Variants in C1orf167 observed in about 807,000 individuals in gnomAD.
The protein encoded by C1orf167 is uncharacterized protein C1orf167.
A neutral mutation model predicts 176.5 loss-of-function variants in C1orf167; 153 were observed. The observed-to-expected ratio is 0.87, with a 90% CI of 0.76 to 0.99. C1orf167 has a LOEUF of 0.99. Among genes scored for constraint, C1orf167 ranks in the 50% least tolerant of loss-of-function variants. C1orf167 has a pLI of 0.00. For synonymous variants in C1orf167, 594 were observed against 752.7 expected (o/e 0.79, Z 3.45); for missense variants, 1,490 against 1,817.7 (o/e 0.82, Z 3.28).
intron 15 of C1orf167, 74 bp downstream of exon 15, chr1:11,784,667 T>A (rs988935569): frequency 1.5e-5 from 18 of 1,185,024 alleles, no homozygotes; most frequent in Non-Finnish European, 1.9e-5. Context: ...TTGGCAGGGG[T>A]AGAGCGTAAT....
At chr1:11,772,915 T>TATTATTATTATTATTATTATTA (rs1570396926) in intron 8 of C1orf167, among the ~76,000 whole-genome samples, 2 of 151,302 alleles carry the variant, frequency 1.3e-5, no homozygotes, top group African/African-American at 4.8e-5. Flanking sequence ...TTATTATTAT[T>TATTATTATTATTATTATTATTA]TGAGACGGAG....
intron 1 of C1orf167, among the ~76,000 whole-genome samples, chr1:11,762,759 G>A (rs554644906): frequency 1.4e-4 from 21 of 152,218 alleles, no homozygotes; most frequent in Non-Finnish European, 2.6e-4. Context: ...GCATTTACAA[G>A]CCCCTGCTGG....
At chr1:11,775,054 A>G (rs9794014) in intron 8 of C1orf167, among the ~76,000 whole-genome samples, 142,949 of 152,156 alleles carry the variant, frequency 0.94, 67,807 homozygotes, top group East Asian at 1. Flanking sequence ...GGAGGCCAAG[A>G]CGGCCGGATC....
intron 13 of C1orf167, among the ~76,000 whole-genome samples, chr1:11,780,999 C>CTTTT (rs386366239): frequency 0.037 from 3,390 of 92,732 alleles, 291 homozygotes; most frequent in African/African-American, 0.039. Context: ...CCCAACCAGT[C>CTTTT]TTTTTTTTTT....
At chr1:11,774,167 A>G (rs1255156749) in intron 8 of C1orf167, among the ~76,000 whole-genome samples, 1 of 152,050 alleles carries the variant, frequency 6.6e-6, no homozygotes, top group Non-Finnish European at 1.5e-5. Flanking sequence ...GACCTCCCAA[A>G]GTGCTGAGAT....
In C1orf167 at chr1:11,768,075, A is replaced by T; in HGVS notation, c.1344-2A>T. Reference sequence around the variant, plus strand: ...CCCTGATCAGCCCTGGTCTGTCCCCAGCTGGCAGCTGTTGTCCAGATGTTT... The same window carrying T: ...CCCTGATCAGCCCTGGTCTGTCCCCTGCTGGCAGCTGTTGTCCAGATGTTT... On this transcript the variant is annotated splice_acceptor_variant, in intron 4 of 20. Transcript: ENST00000688073. LOFTEE classifies it high-confidence loss of function. The surrounding 1 kb of genome is among the most constrained non-coding windows in gnomAD (Gnocchi z 4.5). The T allele has an allele frequency of 7.8e-7, 1 of 1,283,920 alleles. No individual in the cohort carries two copies. The highest frequency in any genetic ancestry group is 1.0e-6 in the Non-Finnish European group (1 of 985,654). 79.5% of individuals were successfully genotyped at this position (1,283,920 alleles called of 1,614,324 possible). A position where few individuals can be genotyped will look rare whatever the true frequency, so the allele number is the denominator to read the frequency against.
intron 17 of C1orf167, 179 bp downstream of exon 17, chr1:11,787,672 C>T (rs1643921124): frequency 2.2e-6 from 2 of 914,240 alleles, no homozygotes; most frequent in Non-Finnish European, 2.9e-6. Context: ...ACTTTGCATT[C>T]CTGCCCCGCC....
chr1:11,785,425 T>G, intron 16 of C1orf167, 136 bp downstream of exon 16: 2 of 985,522 alleles, frequency 2.0e-6, no homozygotes, highest in Non-Finnish European at 2.6e-6. Context: ...AAAATGACCC[T>G]CGGACCACCG....
chr1:11,770,972 TTGTGTG>T (rs753081071), intron 6 of C1orf167, among the ~76,000 whole-genome samples: 1,032 of 78,534 alleles, frequency 0.013, 20 homozygotes, highest in Middle Eastern at 0.054. Context: ...ACTGGCTAAT[TTGTGTG>T]TGTGTGTGTG....
intron 14 of C1orf167, 78 bp from the exon 15 acceptor site, chr1:11,784,096 C>A: frequency 2.6e-6 from 3 of 1,163,098 alleles, no homozygotes; most frequent in Non-Finnish European, 2.2e-6. Flanking sequence ...TTCAGGTGAT[C>A]CACTCACCTT....
chr1:11,764,534 C>T (rs1642694390), intron 2 of C1orf167, 64 bp downstream of exon 2: 3 of 1,239,118 alleles, frequency 2.4e-6, no homozygotes, highest in Non-Finnish European at 2.1e-6. Context: ...GGTATTGGCC[C>T]AGAGCCCCCC....
chr1:11,768,721 G>T lies in C1orf167; in HGVS notation c.1543-252G>T, dbSNP rs181633777. ...GTCCTTCCCTCCTTGGGAAAGGGGT[G>T]CTCTGAGAGGGTCCAGTCGCAGCTT... On this transcript the variant is annotated intron_variant, in intron 5 of 20. Transcript: ENST00000688073. This position sits in a 1 kb window ranked among gnomAD's most constrained non-coding sequence, Gnocchi z 4.5. Among the ~76,000 whole-genome samples the T allele has an allele frequency of 5.6e-3, 857 of 152,276 alleles. 15 individuals carry two copies. Among genetic ancestry groups the T allele is most frequent in the African/African-American group, 0.02 (821 of 41,550 alleles).
intron 8 of C1orf167, among the ~76,000 whole-genome samples, chr1:11,772,818 A>C (rs989389145): frequency 6.6e-6 from 1 of 152,142 alleles, no homozygotes; most frequent in Non-Finnish European, 1.5e-5. Context: ...ACCTGGCTTA[A>C]GTGTTGTGAA....
chr1:11,780,736 G>A (rs1039985516), intron 13 of C1orf167, among the ~76,000 whole-genome samples: 1 of 152,172 alleles, frequency 6.6e-6, no homozygotes, highest in African/African-American at 2.4e-5. Flanking sequence ...TTAGGGGCCA[G>A]CAGAGTTAGT....
chr1:11,784,613 T>A lies in C1orf167; in HGVS notation c.3425+20T>A. Reference sequence around the variant, plus strand: ...AGCCTGGTGAGTGCTGTGGTCTAAGTGCAGCCCCACTCTGTGCTTCCAGCT... The same window carrying A: ...AGCCTGGTGAGTGCTGTGGTCTAAGAGCAGCCCCACTCTGTGCTTCCAGCT... On this transcript the variant is annotated intron_variant, in intron 15 of 20. Transcript: ENST00000688073. 8.2e-7 allele frequency: 1 copy of A among 1,221,698 alleles called. No homozygotes were observed. The highest frequency in any genetic ancestry group is 1.5e-5 in the South Asian group (1 of 67,808). The allele number at this position is 1,221,698 out of a possible 1,614,324, so 75.7% of individuals were successfully genotyped here.
chr1:11,766,930 A>G lies in C1orf167; in HGVS notation c.1144A>G (p.Thr382Ala). 8.2e-7 allele frequency: 1 copy of G among 1,214,832 alleles called. No individual in the cohort carries two copies. Among genetic ancestry groups the G allele is most frequent in the Non-Finnish European group, 1.1e-6 (1 of 951,520 alleles). 75.3% of individuals were successfully genotyped at this position (1,214,832 alleles called of 1,614,324 possible). A position where few individuals can be genotyped will look rare whatever the true frequency, so the allele number is the denominator to read the frequency against. Residue 382 changes from threonine (T) to alanine (A), a missense_variant, in exon 3 of 21, where the codon ACC becomes GCC. Coordinates refer to ENST00000688073, the MANE Select transcript of C1orf167 (RefSeq NM_001010881.2). The surrounding 1 kb of genome is among the most constrained non-coding windows in gnomAD (Gnocchi z 4.5). ...SLPRGVGSRG[T>A]DPCSSAFSNT... is the part of the protein sequence containing the mutation. ...CCCTCGAGGGGTGGGAAGCAGGGGG[A>G]CCGACCCCTGTTCCTCAGCCTTCTC... is the stretch of plus-strand genomic sequence containing the variant.
At position 11,768,920 on chromosome 1, in the gene C1orf167, T is replaced by C. The variant is rs1642925246; in HGVS notation, c.1543-53T>C. 23 of 984,930 alleles carry C rather than the reference T, an allele frequency of 2.3e-5. No individual in the cohort carries two copies. Among genetic ancestry groups the C allele is most frequent in the Non-Finnish European group, 2.8e-5 (23 of 829,118 alleles). 61.0% of individuals were successfully genotyped at this position (984,930 alleles called of 1,614,324 possible). The stretch of plus-strand genomic sequence containing the variant: ...GTCCCCGCCCCTGCCTGGTGTTCCC[T>C]TGGGAGGCAGATTCAAGGCCAACAT... On this transcript the variant is annotated intron_variant, in intron 5 of 20. Transcript: ENST00000688073. This position sits in a 1 kb window ranked among gnomAD's most constrained non-coding sequence, Gnocchi z 4.5.
intron 6 of C1orf167, among the ~76,000 whole-genome samples, chr1:11,770,122 T>TA (rs1010209854): frequency 1.1e-4 from 15 of 135,836 alleles, no homozygotes; most frequent in South Asian, 2.6e-4. Flanking sequence ...TAGCATTTTT[T>TA]AAAAAAAAGG....
At position 11,788,666 on chromosome 1, in the gene C1orf167, C is replaced by A. The variant is rs1035087113; in HGVS notation, c.4093C>A (p.Pro1365Thr). Residue 1365 changes from proline to threonine, a missense_variant, in exon 20 of 21, where the codon CCT (proline) becomes ACT (threonine). Physicochemically the swap from Pro to Thr is conservative, Grantham distance 38. Transcript: ENST00000688073. ...TGTCCCCAAAGCTCAGGGAGTGGCA[C>A]CTGAGATGGGCCTGGCAGACGTGGT... ...AGADPAQGVA[P>T]EMGLADVVAA... 1 of 1,304,162 alleles carries A rather than the reference C, an allele frequency of 7.7e-7. No homozygotes were observed. Among genetic ancestry groups the A allele is most frequent in the Non-Finnish European group, 1.0e-6 (1 of 988,946 alleles). 80.8% of individuals were successfully genotyped at this position (1,304,162 alleles called of 1,614,324 possible).
Sources: allele counts gnomAD v4.1 joint callset (sites outside exome capture counted in the v4.1 genomes callset), GRCh38; gene constraint gnomAD v4.1.1; non-coding constraint Gnocchi (gnomAD v3.1); transcripts MANE v1.5; gene names NCBI Gene and HGNC (gene_info 2026-07-23, HGNC 2026-07-21).